The following SERPINE2 variants were observed in gnomAD, a reference collection of about 807,000 sequenced individuals.
SERPINE2 encodes glia-derived nexin.
Under a neutral mutation model 36.3 loss-of-function variants are expected in SERPINE2, and 14 were observed. The ratio of observed to expected loss-of-function variants is 0.39; its 90% CI spans 0.25 to 0.60. SERPINE2 has a LOEUF of 0.60. SERPINE2 is among the 20% of genes least tolerant of loss of function. The probability of loss-of-function intolerance (pLI) is 0.57; values close to 1 mark genes in which losing one functional copy is unlikely to be tolerated. For missense variants in SERPINE2, 418 were observed against 499.6 expected, an observed-to-expected ratio of 0.84 and a Z score of 1.56; for synonymous variants, 192 against 191.8, an observed-to-expected ratio of 1.00 and a Z score of -0.01.
chr2:223,998,127 T>C lies in SERPINE2; in HGVS notation c.475A>G (p.Asn159Asp). The change falls in exon 3 of 9, where the codon AAT becomes GAT. Residue 159 changes from asparagine (N) to aspartate (D), a missense_variant. By Grantham distance (23) the Asn-to-Asp change is conservative. Coordinates refer to ENST00000409304, the MANE Select transcript of SERPINE2 (RefSeq NM_001136528.2). ...TGCGGCCACTCACCCCTGGTTTCAT[T>C]TTTAACCCATGCATTGATGGAATCA... ...ACDSINAWVKNETRDMIDNLL... is the reference protein window; with the variant it reads ...ACDSINAWVKDETRDMIDNLL... 1 of 1,614,072 alleles carries C rather than the reference T, an allele frequency of 6.2e-7. No homozygotes were observed.
At chr2:224,034,130 A>T (rs1435356622) in intron 1 of SERPINE2, among the ~76,000 whole-genome samples, 1 of 152,152 alleles carries the variant, frequency 6.6e-6, no homozygotes, top group African/African-American at 2.4e-5. Context: ...GTGCAAATAA[A>T]ACTAAAACAC....
chr2:224,014,173 G>A (rs772017016), intron 1 of SERPINE2, among the ~76,000 whole-genome samples: 36 of 152,040 alleles, frequency 2.4e-4, no homozygotes, highest in Non-Finnish European at 4.0e-4. Flanking sequence ...TCAGGAGATC[G>A]AGACCATCCT....
intron 1 of SERPINE2, among the ~76,000 whole-genome samples, chr2:224,009,792 T>C (rs903067668): frequency 6.6e-6 from 1 of 152,144 alleles, no homozygotes; most frequent in African/African-American, 2.4e-5. Flanking sequence ...CTGTCCAGCA[T>C]TCAGACCAAA....
intron 8 of SERPINE2, among the ~76,000 whole-genome samples, chr2:223,976,924 T>C (rs544952285): frequency 3.9e-5 from 6 of 152,316 alleles, no homozygotes; most frequent in East Asian, 1.9e-4. Flanking sequence ...TGGAGAAAAC[T>C]GAATCATAGG....
intron 2 of SERPINE2, among the ~76,000 whole-genome samples, chr2:223,999,665 C>A (rs1691032635): frequency 6.6e-6 from 1 of 152,212 alleles, no homozygotes; most frequent in Admixed American, 6.5e-5. Context: ...CAACTGCCAG[C>A]TCCTGGCCCT....
intron 1 of SERPINE2, chr2:224,030,599 C>T (rs932487143): frequency 6.6e-6 from 1 of 152,406 alleles, no homozygotes; most frequent in East Asian, 1.9e-4. Context: ...AATATGTAGC[C>T]TCTAGATTCA....
chr2:224,028,054 G>C (rs1340932469), intron 1 of SERPINE2, among the ~76,000 whole-genome samples: 1 of 152,166 alleles, frequency 6.6e-6, no homozygotes, highest in Admixed American at 6.5e-5. Context: ...CTCTAGGATC[G>C]GGTTGTAAGA....
intron 3 of SERPINE2, among the ~76,000 whole-genome samples, chr2:223,997,304 T>C (rs1202648066): frequency 6.6e-6 from 1 of 152,124 alleles, no homozygotes; most frequent in African/African-American, 2.4e-5. Context: ...CATTGCAATC[T>C]CCCCCTCCCA....
At chr2:224,007,598 G>A (rs779585879) in intron 1 of SERPINE2, among the ~76,000 whole-genome samples, 46 of 152,072 alleles carry the variant, frequency 3.0e-4, no homozygotes, top group Non-Finnish European at 5.1e-4. Flanking sequence ...TTATCACACC[G>A]CAAAATAACT....
In SERPINE2 at chr2:223,975,810, G is replaced by A. The variant is rs1689987678; in HGVS notation, c.*57C>T. 7.4e-7 allele frequency: 1 copy of A among 1,360,204 alleles called. No individual in the cohort carries two copies. Among genetic ancestry groups the A allele is most frequent in the African/African-American group, 1.4e-5 (1 of 68,990 alleles). 84.3% of individuals were successfully genotyped at this position (1,360,204 alleles called of 1,614,324 possible). On this transcript the variant is annotated 3_prime_UTR_variant, in exon 9 of 9. Coordinates refer to ENST00000409304, the MANE Select transcript of SERPINE2 (RefSeq NM_001136528.2). ...CAGAACTATGAAAGATGCAGGAAAG[G>A]AGTCTTTCTTCGTAGCAAAGTAGTC...
intron 4 of SERPINE2, among the ~76,000 whole-genome samples, chr2:223,991,381 G>T (rs1205123680): frequency 6.6e-6 from 1 of 152,174 alleles, no homozygotes; most frequent in Non-Finnish European, 1.5e-5. Flanking sequence ...GCCACCGAAG[G>T]ATTTTACCAA....
chr2:224,008,938 A>T (rs2106176105), intron 1 of SERPINE2, among the ~76,000 whole-genome samples: 1 of 152,326 alleles, frequency 6.6e-6, no homozygotes, highest in South Asian at 2.1e-4. Context: ...AGCTGCTGAC[A>T]CTGAACGGGT....
intron 1 of SERPINE2, among the ~76,000 whole-genome samples, chr2:224,027,493 A>T (rs1490368090): frequency 6.6e-6 from 1 of 152,174 alleles, no homozygotes; most frequent in Non-Finnish European, 1.5e-5. Context: ...TTGACCTCCC[A>T]AACATGTCAC....
At chr2:223,986,229 C>T (rs895478092) in intron 4 of SERPINE2, among the ~76,000 whole-genome samples, 4 of 152,174 alleles carry the variant, frequency 2.6e-5, no homozygotes, top group Non-Finnish European at 4.4e-5. Context: ...CAGGATGACA[C>T]TACAGTTTTT....
At chr2:224,000,364 C>A (rs530860347) in intron 2 of SERPINE2, among the ~76,000 whole-genome samples, 5 of 152,254 alleles carry the variant, frequency 3.3e-5, no homozygotes, top group African/African-American at 1.2e-4. Flanking sequence ...TGGGCAAGAC[C>A]CCTCAGCTGA....
At chr2:223,988,821 A>G (rs1690535369) in intron 4 of SERPINE2, among the ~76,000 whole-genome samples, 2 of 152,224 alleles carry the variant, frequency 1.3e-5, no homozygotes, top group South Asian at 2.1e-4. Context: ...AGCATGATAC[A>G]TTTGTATTAT....
chr2:223,995,453 A>G (rs1690844920), intron 3 of SERPINE2, among the ~76,000 whole-genome samples: 1 of 152,216 alleles, frequency 6.6e-6, no homozygotes. Flanking sequence ...CTGTCCTGCA[A>G]TGTTCAAAAC....
chr2:224,005,098 A>ATATATATAT (rs1559209284), intron 1 of SERPINE2, among the ~76,000 whole-genome samples: 15 of 115,732 alleles, frequency 1.3e-4, no homozygotes, highest in South Asian at 4.8e-4. Flanking sequence ...TATATATATA[A>ATATATATAT]AACATTGTAA....
At chr2:224,033,662 CAA>C (rs11394673) in intron 1 of SERPINE2, among the ~76,000 whole-genome samples, 5 of 126,552 alleles carry the variant, frequency 4.0e-5, no homozygotes, top group Admixed American at 7.8e-5. Flanking sequence ...AGTTCCATGG[CAA>C]AAAAAAAAAA....
Sources: gnomAD v4.1 joint callset for allele counts (sites outside exome capture counted in the v4.1 genomes callset) on GRCh38, gnomAD v4.1.1 for gene constraint, MANE v1.5 for transcripts, NCBI Gene and HGNC (gene_info 2026-07-23, HGNC 2026-07-21) for gene names.